SPOCK3: variants seen among roughly 807,000 people sequenced by gnomAD.
The protein encoded by SPOCK3 is SPARC (osteonectin), cwcv and kazal like domains proteoglycan 3, also known as testican-3.
SPOCK3 carries 30 observed loss-of-function variants against 56.6 expected under a neutral mutation model. The observed-to-expected ratio is 0.53, with a 90% CI of 0.40 to 0.72. The LOEUF (loss-of-function observed/expected upper bound fraction) is 0.72. Among genes scored for constraint, SPOCK3 ranks in the 30% least tolerant of loss-of-function variants. SPOCK3 has a pLI of 0.00. For synonymous variants in SPOCK3, 196 were observed against 183.3 expected, an observed-to-expected ratio of 1.07 and a Z score of -0.56; for missense variants, 527 against 530.0, an observed-to-expected ratio of 0.99 and a Z score of 0.06.
At chr4:166,827,264 G>A (rs60246774) in intron 6 of SPOCK3, among the ~76,000 whole-genome samples, 44,389 of 151,800 alleles carry the variant, frequency 0.29, 8,986 homozygotes, top group East Asian at 0.67. Flanking sequence ...TCTTTGACAA[G>A]GGATTTAATT....
intron 2 of SPOCK3, among the ~76,000 whole-genome samples, chr4:167,100,128 C>T (rs62352447): frequency 0.17 from 25,332 of 152,050 alleles, 2,506 homozygotes; most frequent in Admixed American, 0.26. Context: ...TATCAATTTA[C>T]TTCCTATAAA....
chr4:166,899,014 C>G (rs1349910881), intron 5 of SPOCK3, among the ~76,000 whole-genome samples: 2 of 151,968 alleles, frequency 1.3e-5, no homozygotes, highest in Non-Finnish European at 2.9e-5. Flanking sequence ...CAAATTGCCT[C>G]TCTCTGCTTG....
chr4:166,735,527 G>T (rs752800452), intron 10 of SPOCK3, among the ~76,000 whole-genome samples: 1 of 152,000 alleles, frequency 6.6e-6, no homozygotes, highest in African/African-American at 2.4e-5. Flanking sequence ...TTAAGTAAAG[G>T]AATTTGAATT....
intron 4 of SPOCK3, among the ~76,000 whole-genome samples, chr4:166,942,035 A>C (rs543322468): frequency 6.7e-6 from 1 of 150,180 alleles, no homozygotes; most frequent in African/African-American, 2.4e-5. Context: ...ATACAGAAAT[A>C]AAAAAAACTG....
chr4:167,072,934 A>T (rs1298884691), intron 2 of SPOCK3, among the ~76,000 whole-genome samples: 1 of 151,872 alleles, frequency 6.6e-6, no homozygotes, highest in African/African-American at 2.4e-5. Flanking sequence ...AGTACTAAAA[A>T]TGTGCTTCTA....
At chr4:167,075,648 T>G (rs748990730) in intron 2 of SPOCK3, among the ~76,000 whole-genome samples, 1 of 151,978 alleles carries the variant, frequency 6.6e-6, no homozygotes, top group Non-Finnish European at 1.5e-5. Flanking sequence ...TGCTTTTTTC[T>G]TTCTGTGTTT....
At chr4:167,234,282 G>A in intron 1 of SPOCK3, 109 bp from the exon 2 acceptor site, 5 of 1,098,610 alleles carry the variant, frequency 4.6e-6, no homozygotes, top group Non-Finnish European at 6.6e-6. Context: ...CGAGGGTAGA[G>A]GGAGGAGGAG....
chr4:166,743,553 C>T (rs563582892), intron 8 of SPOCK3, among the ~76,000 whole-genome samples: 9 of 152,086 alleles, frequency 5.9e-5, no homozygotes, highest in South Asian at 4.1e-4. Context: ...ACGCAGAAGA[C>T]GGGTGATTTC....
chr4:166,961,938 A>G (rs552898979), intron 4 of SPOCK3, among the ~76,000 whole-genome samples: 11 of 152,186 alleles, frequency 7.2e-5, no homozygotes, highest in Admixed American at 2.0e-4. Flanking sequence ...CAAACATCAT[A>G]GCAGTGCTTT....
At chr4:166,856,245 A>G (rs1730649300) in intron 6 of SPOCK3, among the ~76,000 whole-genome samples, 1 of 151,992 alleles carries the variant, frequency 6.6e-6, no homozygotes, top group Non-Finnish European at 1.5e-5. Context: ...TTTCCATTAG[A>G]TAGGAGAAAT....
chr4:166,770,625 C>T (rs1218154791), intron 7 of SPOCK3, among the ~76,000 whole-genome samples: 1 of 152,024 alleles, frequency 6.6e-6, no homozygotes, highest in Non-Finnish European at 1.5e-5. Flanking sequence ...AAGAAAATAA[C>T]AGCAATAAAA....
At chr4:166,768,766 A>C in intron 7 of SPOCK3, among the ~76,000 whole-genome samples, 1 of 152,170 alleles carries the variant, frequency 6.6e-6, no homozygotes, top group Non-Finnish European at 1.5e-5. Flanking sequence ...CTCCTGCATA[A>C]TATCCTGCAG....
intron 6 of SPOCK3, among the ~76,000 whole-genome samples, chr4:166,886,124 A>C (rs1478295642): frequency 6.6e-6 from 1 of 152,166 alleles, no homozygotes; most frequent in Non-Finnish European, 1.5e-5. Context: ...ATCTGTAGAA[A>C]ATGGTCTATT....
At chr4:167,154,668 G>A (rs990866230) in intron 2 of SPOCK3, among the ~76,000 whole-genome samples, 1 of 152,056 alleles carries the variant, frequency 6.6e-6, no homozygotes, top group African/African-American at 2.4e-5. Context: ...GATTACTTGG[G>A]ATTCAACAAA....
chr4:166,788,753 CG>C (rs994510220), intron 7 of SPOCK3, among the ~76,000 whole-genome samples: 14 of 151,390 alleles, frequency 9.2e-5, no homozygotes, highest in African/African-American at 2.4e-4. Context: ...ATATACAAGA[CG>C]TTTTTTTAAA....
chr4:167,178,197 CT>C (rs1731147699), intron 2 of SPOCK3, among the ~76,000 whole-genome samples: 1 of 152,170 alleles, frequency 6.6e-6, no homozygotes, highest in Non-Finnish European at 1.5e-5. Context: ...GCTGTGAATG[CT>C]TTCACAGGAT....
chr4:167,051,313 G>A (rs903031878), intron 3 of SPOCK3, among the ~76,000 whole-genome samples: 5 of 152,118 alleles, frequency 3.3e-5, no homozygotes, highest in Admixed American at 6.5e-5. Flanking sequence ...GCCAGCAGAG[G>A]CCTCCTGGTA....
At chr4:166,802,406 AAAAG>A (rs1742701267) in intron 6 of SPOCK3, among the ~76,000 whole-genome samples, 1 of 152,192 alleles carries the variant, frequency 6.6e-6, no homozygotes, top group Non-Finnish European at 1.5e-5. Context: ...GTGGCTTATA[AAAAG>A]AAATATATTT....
intron 2 of SPOCK3, among the ~76,000 whole-genome samples, chr4:167,063,695 G>A (rs1372125487): frequency 6.6e-6 from 1 of 151,712 alleles, no homozygotes; most frequent in Non-Finnish European, 1.5e-5. Flanking sequence ...ACCCTTCCAA[G>A]TATCTCGTGT....
Sources: gnomAD v4.1 joint callset for allele counts (sites outside exome capture counted in the v4.1 genomes callset) on GRCh38, gnomAD v4.1.1 for gene constraint, MANE v1.5 for transcripts, NCBI Gene and HGNC (gene_info 2026-07-23, HGNC 2026-07-21) for gene names.